The following NOL4L variants were observed in gnomAD, a reference collection of about 807,000 sequenced individuals.
The protein encoded by NOL4L is nucleolar protein 4 like, also known as nucleolar protein 4-like.
In NOL4L, 7 loss-of-function variants were observed where a neutral mutation model predicts 64.5. The ratio of observed to expected loss-of-function variants is 0.11; its 90% CI spans 0.06 to 0.20. The LOEUF (loss-of-function observed/expected upper bound fraction) is 0.20, where lower values mean the gene tolerates loss of function less well. NOL4L is among the 10% of genes least tolerant of loss of function. The pLI, the probability that NOL4L is intolerant of heterozygous loss-of-function variation, is 1.00. For synonymous variants in NOL4L, 413 were observed against 401.0 expected (o/e 1.03, Z -0.36); for missense variants, 680 against 967.1 (o/e 0.70, Z 3.94).
At chr20:32,481,964 C>CGG (rs61641396) in intron 4 of NOL4L, among the ~76,000 whole-genome samples, 6,033 of 27,648 alleles carry the variant, frequency 0.22, 608 homozygotes, top group East Asian at 0.35. Flanking sequence ...TGGGGCGGGG[C>CGG]GGGGGGGGGG....
chr20:32,583,686 C>A (rs1221255866), intron 1 of NOL4L, among the ~76,000 whole-genome samples: 1 of 139,430 alleles, frequency 7.2e-6, no homozygotes, highest in Non-Finnish European at 1.6e-5. Flanking sequence ...ACAATGAGGT[C>A]CCGGCGGGGG....
At chr20:32,450,361 A>G (rs1471477899) in intron 10 of NOL4L, 2 of 152,276 alleles carry the variant, frequency 1.3e-5, no homozygotes, top group Non-Finnish European at 2.9e-5. Flanking sequence ...GGATTTAAAC[A>G]ATGTTCTTCA....
rs926461476 is a variant in NOL4L, at chr20:32,526,901, G to A, written c.477+857C>T. ...GTATGAGCTGTGGATAGGCCCACAT[G>A]TGGGTCAGCAGGAGATGGATCAGAA... On this transcript the variant is annotated intron_variant, in intron 2 of 10. Transcript: ENST00000621426. Among the ~76,000 whole-genome samples the A allele has an allele frequency of 3.0e-4, 46 of 152,256 alleles. 1 individual carries two copies. The highest frequency in any genetic ancestry group is 1.1e-3 in the African/African-American group (44 of 41,466).
chr20:32,551,300 C>G (rs1465210866), intron 1 of NOL4L, among the ~76,000 whole-genome samples: 1 of 151,910 alleles, frequency 6.6e-6, no homozygotes, highest in Non-Finnish European at 1.5e-5. Flanking sequence ...CACTTGAACC[C>G]AGGAGGCGGA....
intron 4 of NOL4L, among the ~76,000 whole-genome samples, chr20:32,496,879 C>T (rs1450798341): frequency 6.6e-6 from 1 of 152,012 alleles, no homozygotes; most frequent in East Asian, 1.9e-4. Context: ...CTACATAATG[C>T]TGTGTTGCAG....
chr20:32,455,191 GC>G (rs1175850249), intron 6 of NOL4L, among the ~76,000 whole-genome samples: 2 of 152,162 alleles, frequency 1.3e-5, no homozygotes, highest in East Asian at 1.9e-4. Context: ...ACTTCCCTGG[GC>G]CCCCCATGTA....
At chr20:32,547,060 T>G (rs751633758) in intron 1 of NOL4L, among the ~76,000 whole-genome samples, 2 of 152,212 alleles carry the variant, frequency 1.3e-5, no homozygotes, top group African/African-American at 2.4e-5. Flanking sequence ...GCCACTGCCT[T>G]CCTTCTCTGT....
intron 4 of NOL4L, among the ~76,000 whole-genome samples, chr20:32,476,319 G>C (rs1356462766): frequency 6.6e-6 from 1 of 152,202 alleles, no homozygotes; most frequent in Non-Finnish European, 1.5e-5. Flanking sequence ...ACGAAGGGGA[G>C]GGGGAAGAGA....
chr20:32,500,783 T>A (rs1270305369), intron 4 of NOL4L, among the ~76,000 whole-genome samples: 1 of 151,770 alleles, frequency 6.6e-6, no homozygotes, highest in Non-Finnish European at 1.5e-5. Flanking sequence ...ACCAATGAGG[T>A]ATGGCAAAAG....
intron 2 of NOL4L, among the ~76,000 whole-genome samples, chr20:32,523,608 T>A (rs1482171145): frequency 6.6e-6 from 1 of 152,206 alleles, no homozygotes; most frequent in Non-Finnish European, 1.5e-5. Flanking sequence ...CTGCAGACCC[T>A]GTTCTAGAAA....
intron 1 of NOL4L, among the ~76,000 whole-genome samples, chr20:32,578,108 AAAGG>A (rs1333476438): frequency 0.014 from 1,272 of 88,322 alleles, 31 homozygotes; most frequent in Non-Finnish European, 0.017. Flanking sequence ...AGAAAGAGAG[AAAGG>A]AAGGAAGGAA....
At chr20:32,530,554 T>A (rs1302409582) in intron 1 of NOL4L, among the ~76,000 whole-genome samples, 4 of 140,650 alleles carry the variant, frequency 2.8e-5, no homozygotes, top group Non-Finnish European at 6.2e-5. Flanking sequence ...AAAAAAAAAA[T>A]GAATATAGCT....
chr20:32,504,546 T>C lies in NOL4L; in HGVS notation c.699+6801A>G, dbSNP rs192066256. Among the ~76,000 whole-genome samples, 1,191 of 139,386 alleles carry C rather than the reference T, an allele frequency of 8.5e-3. 15 individuals are homozygous for C. Among genetic ancestry groups the C allele is most frequent in the African/African-American group, 0.032 (1,143 of 36,230 alleles). The allele number at this position is 139,386 out of a possible 152,430, so 91.4% of individuals were successfully genotyped here. The stretch of plus-strand genomic sequence containing the variant: ...CTGCACTCCAGCCTGGGTGACAGAG[T>C]GAGACTCCATCAAAAAAAAAAAAAG... On this transcript the variant is annotated intron_variant, in intron 4 of 10. Transcript: ENST00000621426.
Position 32,456,063 on chromosome 20 carries a change from G to A in NOL4L, c.1119+55C>T, listed in dbSNP as rs553419685. On this transcript the variant is annotated intron_variant, in intron 6 of 10. Coordinates refer to ENST00000621426, the MANE Select transcript of NOL4L (RefSeq NM_001256798.2). ...TCTGGGCGTATACAATTTCATTCTC[G>A]CCTCGCGACAGCCCTTTACAGAAAG... 156 of 1,439,238 alleles carry A rather than the reference G, an allele frequency of 1.1e-4. No individual in the cohort carries two copies. In the African/African-American group the frequency reaches 1.3e-3, roughly 12 times the overall value. The allele number at this position is 1,439,238 out of a possible 1,614,324, so 89.2% of individuals were successfully genotyped here. A position where few individuals can be genotyped will look rare whatever the true frequency, so the allele number is the denominator to read the frequency against.
intron 5 of NOL4L, among the ~76,000 whole-genome samples, chr20:32,469,572 T>C (rs1453655577): frequency 3.3e-5 from 5 of 152,146 alleles, no homozygotes; most frequent in South Asian, 2.1e-4. Flanking sequence ...GGTTTTTCTA[T>C]GTTGGTCAGG....
chr20:32,455,283 C>T (rs1468582221), intron 6 of NOL4L, among the ~76,000 whole-genome samples: 4 of 152,236 alleles, frequency 2.6e-5, no homozygotes, highest in Admixed American at 2.6e-4. Context: ...CCCTTGGACC[C>T]AGGCAAAGCC....
intron 4 of NOL4L, among the ~76,000 whole-genome samples, chr20:32,506,881 T>C (rs747108404): frequency 5.9e-5 from 9 of 152,084 alleles, no homozygotes; most frequent in South Asian, 2.1e-4. Flanking sequence ...CAGAGGTTAA[T>C]GGGGGCAAGC....
chr20:32,548,232 T>C (rs192529183), intron 1 of NOL4L, among the ~76,000 whole-genome samples: 204 of 152,258 alleles, frequency 1.3e-3, no homozygotes, highest in African/African-American at 4.8e-3. Context: ...AAGCTAGACC[T>C]CTAAGCCCCT....
chr20:32,449,310 C>A (rs544218368), intron 10 of NOL4L, among the ~76,000 whole-genome samples: 1 of 152,354 alleles, frequency 6.6e-6, no homozygotes, highest in African/African-American at 2.4e-5. Flanking sequence ...TTCTGATGGT[C>A]ACATTCTCTC....
Sources: gnomAD v4.1 joint callset for allele counts (sites outside exome capture counted in the v4.1 genomes callset) on GRCh38, gnomAD v4.1.1 for gene constraint, MANE v1.5 for transcripts, NCBI Gene and HGNC (gene_info 2026-07-23, HGNC 2026-07-21) for gene names.